Variants in OVCH1 observed in about 807,000 individuals in gnomAD.
OVCH1 encodes the protein ovochymase 1, also known as ovochymase-1.
OVCH1 carries 139 observed loss-of-function variants against 138.4 expected under a neutral mutation model. The observed-to-expected ratio is 1.00, with a 90% CI of 0.87 to 1.16. OVCH1 has a LOEUF of 1.16. Among genes scored for constraint, OVCH1 ranks in the 50% most tolerant of loss-of-function variants. OVCH1 has a pLI of 0.00. For missense variants in OVCH1, 1,367 were observed against 1,357.9 expected (o/e 1.01, Z -0.11); for synonymous variants, 453 against 467.8 (o/e 0.97, Z 0.41).
chr12:29,418,214 G>C (rs1246990845), intron 3 of OVCH1, among the ~76,000 whole-genome samples: 1 of 152,212 alleles, frequency 6.6e-6, no homozygotes, highest in Non-Finnish European at 1.5e-5. Flanking sequence ...CTACATGACA[G>C]AGCCAGAGTA....
At chr12:29,480,246 A>G (rs2136046975) in intron 8 of OVCH1, among the ~76,000 whole-genome samples, 1 of 152,294 alleles carries the variant, frequency 6.6e-6, no homozygotes, top group South Asian at 2.1e-4. Flanking sequence ...CTCCACATCC[A>G]TCATCCTTTT....
downstream of OVCH1, among the ~76,000 whole-genome samples, chr12:29,409,644 C>G (rs931394329): frequency 9.9e-5 from 15 of 152,070 alleles, no homozygotes; most frequent in Non-Finnish European, 1.9e-4. Context: ...ATCCTGAGTT[C>G]TAGTTTGATT....
At chr12:29,495,521 T>A in intron 3 of OVCH1, 64 bp from the exon 4 acceptor site, 1 of 1,408,236 alleles carries the variant, frequency 7.1e-7, no homozygotes. Context: ...CTTGGTTTGA[T>A]GTAATTAAAT....
chr12:29,485,117 A>G (rs943694010), intron 8 of OVCH1, among the ~76,000 whole-genome samples: 4 of 152,000 alleles, frequency 2.6e-5, no homozygotes, highest in African/African-American at 4.8e-5. Context: ...TAAAGATGCT[A>G]ACGTACAATT....
At chr12:29,490,973 G>A (rs1034527189) in intron 5 of OVCH1, 124 bp downstream of exon 5, 18 of 763,100 alleles carry the variant, frequency 2.4e-5, no homozygotes, top group Admixed American at 8.4e-5. Flanking sequence ...AGAAATCTTC[G>A]TTGTGTCAGA....
chr12:29,434,106 G>A (rs1941316499), intron 26 of OVCH1, among the ~76,000 whole-genome samples: 1 of 152,024 alleles, frequency 6.6e-6, no homozygotes, highest in African/African-American at 2.4e-5. Flanking sequence ...ACAGGATGAC[G>A]GACAAAGCGT....
intron 8 of OVCH1, among the ~76,000 whole-genome samples, chr12:29,480,104 G>A (rs1942882223): frequency 6.6e-6 from 1 of 152,096 alleles, no homozygotes; most frequent in African/African-American, 2.4e-5. Flanking sequence ...TTACAGGTGT[G>A]AGCCACCATG....
At chr12:29,454,712 A>G in intron 21 of OVCH1, 129 bp downstream of exon 21, 2 of 773,976 alleles carry the variant, frequency 2.6e-6, no homozygotes. Context: ...CTTTCAGCTA[A>G]AACTACCAAC....
At chr12:29,467,452 G>GT (rs1408577315) in intron 16 of OVCH1, among the ~76,000 whole-genome samples, 2 of 152,040 alleles carry the variant, frequency 1.3e-5, no homozygotes, top group African/African-American at 2.4e-5. Flanking sequence ...ATAGCTCAAG[G>GT]TATCAATTGA....
chr12:29,411,411 G>T (rs1308342966), downstream of OVCH1, among the ~76,000 whole-genome samples: 1 of 151,614 alleles, frequency 6.6e-6, no homozygotes, highest in Non-Finnish European at 1.5e-5. Flanking sequence ...TTTCTGCTCT[G>T]TTTTTTCCCC....
In OVCH1 at chr12:29,496,689, A is replaced by C; in HGVS notation, c.65-15T>G. On this transcript the variant is annotated splice_polypyrimidine_tract_variant and intron_variant, in intron 1 of 27. Transcript: ENST00000318184. ...ACACTTCAGTCCTGTGTAGAAGAGC[A>C]TGTGTGTGTGCACACACAGAGCCTT... The C allele has an allele frequency of 6.4e-7, 1 of 1,568,866 alleles. No homozygotes were observed. The highest frequency in any genetic ancestry group is 8.7e-7 in the Non-Finnish European group (1 of 1,143,696).
chr12:29,419,171 T>C (rs1941069465), intron 3 of OVCH1, among the ~76,000 whole-genome samples: 1 of 152,224 alleles, frequency 6.6e-6, no homozygotes, highest in South Asian at 2.1e-4. Flanking sequence ...ATTTCTAATC[T>C]ATATTAAAAA....
At chr12:29,487,948 G>T in intron 6 of OVCH1, 66 bp from the exon 7 acceptor site, 1 of 1,432,404 alleles carries the variant, frequency 7.0e-7, no homozygotes, top group Non-Finnish European at 9.4e-7. Flanking sequence ...CATCATTTCT[G>T]TAAACATCAG....
At chr12:29,431,654 ACATAT>A (rs1176998385) in intron 27 of OVCH1, among the ~76,000 whole-genome samples, 4 of 152,206 alleles carry the variant, frequency 2.6e-5, no homozygotes, top group Admixed American at 6.5e-5. Flanking sequence ...ATTCACATAG[ACATAT>A]CATAATTTCT....
chr12:29,471,282 A>T (rs565154525), intron 16 of OVCH1, among the ~76,000 whole-genome samples: 10 of 152,298 alleles, frequency 6.6e-5, no homozygotes, highest in African/African-American at 2.2e-4. Flanking sequence ...CTTAACCAAA[A>T]TTTTATTTCC....
At chr12:29,455,973 G>C (rs567997890) in intron 19 of OVCH1, among the ~76,000 whole-genome samples, 1 of 152,098 alleles carries the variant, frequency 6.6e-6, no homozygotes, top group Admixed American at 6.6e-5. Context: ...GAGAAATTAG[G>C]GTGTTGGTGG....
downstream of OVCH1, among the ~76,000 whole-genome samples, chr12:29,410,909 C>G (rs1021164308): frequency 7.7e-4 from 117 of 152,084 alleles, 1 homozygote; most frequent in Admixed American, 5.0e-3. Context: ...AGAGTGTTTT[C>G]CATCTTGGTT....
At chr12:29,449,134 A>AT (rs550326727) in intron 22 of OVCH1, among the ~76,000 whole-genome samples, 75 of 151,952 alleles carry the variant, frequency 4.9e-4, no homozygotes, top group Non-Finnish European at 9.6e-4. Context: ...ATTTTGCTTT[A>AT]TTTTTTCATT....
intron 8 of OVCH1, among the ~76,000 whole-genome samples, chr12:29,482,248 A>G (rs1471225508): frequency 6.6e-6 from 1 of 152,162 alleles, no homozygotes; most frequent in Non-Finnish European, 1.5e-5. Flanking sequence ...CCCCAAATAT[A>G]CCAAGTGTAT....
Sources: gnomAD v4.1 joint callset for allele counts (sites outside exome capture counted in the v4.1 genomes callset) on GRCh38, gnomAD v4.1.1 for gene constraint, MANE v1.5 for transcripts, NCBI Gene and HGNC (gene_info 2026-07-23, HGNC 2026-07-21) for gene names.